The following SLIT3 variants were observed in gnomAD, a reference collection of about 807,000 sequenced individuals.
The protein encoded by SLIT3 is slit homolog 3 protein.
SLIT3 carries 68 observed loss-of-function variants against 184.0 expected under a neutral mutation model. That is an observed-to-expected ratio of 0.37 (90% CI 0.30 to 0.45). SLIT3 has a LOEUF of 0.45. Among genes scored for constraint, SLIT3 ranks in the 20% least tolerant of loss-of-function variants. The pLI is 1.00. For missense variants in SLIT3, 1,707 were observed against 2,026.0 expected (o/e 0.84, Z 3.02); for synonymous variants, 831 against 828.6 (o/e 1.00, Z -0.05).
intron 4 of SLIT3, among the ~76,000 whole-genome samples, chr5:169,044,824 C>A (rs925365253): frequency 5.3e-5 from 8 of 152,202 alleles, no homozygotes; most frequent in African/African-American, 1.7e-4. Context: ...AGTGGGGCTT[C>A]CCCTTTTTAA....
chr5:169,246,566 GAACAAAAA>G (rs1252740534), intron 2 of SLIT3, among the ~76,000 whole-genome samples: 4 of 152,048 alleles, frequency 2.6e-5, no homozygotes, highest in African/African-American at 9.7e-5. Flanking sequence ...GTTCTTACGA[GAACAAAAA>G]TGGAATAAAT....
Position 168,752,996 on chromosome 5 carries a change from G to C in SLIT3, c.1932C>G (p.Ile644Met), listed in dbSNP as rs766902850. 4 of 1,613,980 alleles carry C rather than the reference G, an allele frequency of 2.5e-6. No homozygotes were observed. Among genetic ancestry groups the C allele is most frequent in the Non-Finnish European group, 3.4e-6 (4 of 1,180,006 alleles). Reference protein sequence around the residue: ...LSLYDNRITTITPGAFTTLVS... With the variant: ...LSLYDNRITTMTPGAFTTLVS... ...CAAGCGTGGTGAAGGCCCCAGGGGT[G>C]ATGGTGGTGATCCGATTGTCATAGA... Residue 644 changes from isoleucine to methionine, a missense_variant, in exon 18 of 36, where the codon ATC becomes ATG. Physicochemically the swap from Ile to Met is conservative, Grantham distance 10 (BLOSUM62 1). Transcript: ENST00000519560.
At chr5:169,157,319 G>C (rs562281655) in intron 4 of SLIT3, among the ~76,000 whole-genome samples, 71 of 152,314 alleles carry the variant, frequency 4.7e-4, no homozygotes, top group African/African-American at 1.6e-3. Context: ...CCAGCACCCA[G>C]CAGTAAAGAA....
At chr5:168,792,893 C>T (rs1384907653) in intron 10 of SLIT3, among the ~76,000 whole-genome samples, 1 of 152,184 alleles carries the variant, frequency 6.6e-6, no homozygotes, top group African/African-American at 2.4e-5. Context: ...CACCTGACCT[C>T]ATGTGACTGA....
At chr5:169,060,138 C>T (rs904587005) in intron 4 of SLIT3, among the ~76,000 whole-genome samples, 8 of 152,172 alleles carry the variant, frequency 5.3e-5, no homozygotes, top group Non-Finnish European at 1.0e-4. Context: ...GGCTGTAATC[C>T]CAGCCCTTTG....
At chr5:168,735,661 T>C (rs1014714250) in intron 20 of SLIT3, among the ~76,000 whole-genome samples, 7 of 142,072 alleles carry the variant, frequency 4.9e-5, no homozygotes, top group East Asian at 4.3e-4. Context: ...GACAGATAGA[T>C]ACACACACAC....
chr5:169,255,411 G>T (rs1048298701), intron 1 of SLIT3, among the ~76,000 whole-genome samples: 4 of 152,118 alleles, frequency 2.6e-5, no homozygotes, highest in Non-Finnish European at 5.9e-5. Flanking sequence ...TCCTGACCCT[G>T]TGTAGACCTA....
In SLIT3 at chr5:169,167,373, T is replaced by C. The variant is rs566577756; in HGVS notation, c.413+26106A>G. On this transcript the variant is annotated intron_variant, in intron 4 of 35. Coordinates refer to ENST00000519560, the MANE Select transcript of SLIT3 (RefSeq NM_003062.4). ...CACTGCAAGCTCCGCCTCCCAAGTT[T>C]GCGCCATTCTCCTGCCTCAGCCTCC... 7.6e-3 allele frequency among the ~76,000 whole-genome samples: 1,148 copies of C among 150,272 alleles called. 15 individuals are homozygous for C. Among genetic ancestry groups the C allele is most frequent in the African/African-American group, 0.026 (1,068 of 40,824 alleles).
intron 8 of SLIT3, among the ~76,000 whole-genome samples, chr5:168,814,830 G>A (rs1278306565): frequency 6.6e-6 from 1 of 152,224 alleles, no homozygotes. Context: ...ACATGCACCT[G>A]ACTCATGATG....
chr5:169,055,330 A>G (rs1026114150), intron 4 of SLIT3, among the ~76,000 whole-genome samples: 1 of 152,240 alleles, frequency 6.6e-6, no homozygotes, highest in Non-Finnish European at 1.5e-5. Context: ...ATAGAAACAA[A>G]ACACAGTAAT....
At chr5:169,264,437 C>A (rs573554947) in intron 1 of SLIT3, among the ~76,000 whole-genome samples, 1 of 152,292 alleles carries the variant, frequency 6.6e-6, no homozygotes, top group African/African-American at 2.4e-5. Context: ...CTCAGCCTCT[C>A]AAAGTGCTGG....
chr5:168,752,220 A>G (rs1031009503), intron 18 of SLIT3, among the ~76,000 whole-genome samples: 1 of 152,008 alleles, frequency 6.6e-6, no homozygotes, highest in Non-Finnish European at 1.5e-5. Flanking sequence ...CAGCACTGTG[A>G]CCATGCTGAC....
chr5:168,690,541 C>G (rs1324383635), intron 29 of SLIT3, among the ~76,000 whole-genome samples: 1 of 152,216 alleles, frequency 6.6e-6, no homozygotes, highest in African/African-American at 2.4e-5. Context: ...TTACATGTCT[C>G]TTCCCACCCC....
chr5:168,919,589 T>C (rs955745396), intron 4 of SLIT3, among the ~76,000 whole-genome samples: 3 of 152,064 alleles, frequency 2.0e-5, no homozygotes, highest in Admixed American at 2.0e-4. Flanking sequence ...TATAGGAGAA[T>C]ATGGGGGTGG....
chr5:169,209,034 G>A (rs1186974500), intron 3 of SLIT3, among the ~76,000 whole-genome samples: 1 of 152,158 alleles, frequency 6.6e-6, no homozygotes, highest in African/African-American at 2.4e-5. Flanking sequence ...CAGAATGGGA[G>A]AAAATGTTTA....
At chr5:168,920,315 C>T (rs1407304522) in intron 4 of SLIT3, among the ~76,000 whole-genome samples, 1 of 152,094 alleles carries the variant, frequency 6.6e-6, no homozygotes, top group African/African-American at 2.4e-5. Context: ...TAACCCCTTC[C>T]GGGCAGCCCC....
chr5:168,848,292 C>G (rs1758553619), intron 5 of SLIT3, among the ~76,000 whole-genome samples: 1 of 152,218 alleles, frequency 6.6e-6, no homozygotes, highest in Admixed American at 6.5e-5. Context: ...AGACTGAGCC[C>G]TCCTGCTGTG....
chr5:169,009,098 T>TTA (rs141952494), intron 4 of SLIT3, among the ~76,000 whole-genome samples: 4 of 151,866 alleles, frequency 2.6e-5, no homozygotes, highest in East Asian at 1.9e-4. Context: ...AATTTTTTTT[T>TTA]AAAAGAGAAA....
intron 4 of SLIT3, among the ~76,000 whole-genome samples, chr5:168,957,061 T>C (rs1019363979): frequency 3.3e-5 from 5 of 151,648 alleles, no homozygotes; most frequent in Non-Finnish European, 1.5e-5. Flanking sequence ...AAACCCCGTC[T>C]CTACTCAAAA....
Sources: allele counts gnomAD v4.1 joint callset (sites outside exome capture counted in the v4.1 genomes callset), GRCh38; gene constraint gnomAD v4.1.1; transcripts MANE v1.5; gene names NCBI Gene and HGNC (gene_info 2026-07-23, HGNC 2026-07-21).